The following KDM4C variants were observed in gnomAD, a reference collection of about 807,000 sequenced individuals.
KDM4C encodes lysine-specific demethylase 4C.
In KDM4C, 81 loss-of-function variants were observed where a neutral mutation model predicts 129.3. The observed-to-expected ratio is 0.63, with a 90% CI of 0.52 to 0.75. KDM4C has a LOEUF of 0.75. Among genes scored for constraint, KDM4C ranks in the 30% least tolerant of loss-of-function variants. The pLI is 0.00. For synonymous variants in KDM4C, 573 were observed against 456.1 expected (o/e 1.26, Z -3.26); for missense variants, 1,457 against 1,304.0 (o/e 1.12, Z -1.81).
chr9:7,091,629 C>G (rs962303589), intron 17 of KDM4C, among the ~76,000 whole-genome samples: 4 of 152,188 alleles, frequency 2.6e-5, no homozygotes, highest in African/African-American at 9.7e-5. Context: ...CTTCAAAGTC[C>G]TGGCTGAAAA....
chr9:6,966,886 C>T (rs1266016416), intron 8 of KDM4C, among the ~76,000 whole-genome samples: 2 of 152,012 alleles, frequency 1.3e-5, no homozygotes, highest in Non-Finnish European at 2.9e-5. Context: ...TGAGGATAGG[C>T]AAAGACTGCT....
intron 12 of KDM4C, among the ~76,000 whole-genome samples, chr9:7,007,479 G>A (rs1429122291): frequency 6.6e-6 from 1 of 152,174 alleles, no homozygotes; most frequent in African/African-American, 2.4e-5. Context: ...TTTTTGCTGT[G>A]TTGACTCTTG....
chr9:7,115,396 A>G (rs1170335273), intron 18 of KDM4C, among the ~76,000 whole-genome samples: 1 of 152,200 alleles, frequency 6.6e-6, no homozygotes, highest in Non-Finnish European at 1.5e-5. Flanking sequence ...TAGTGACACT[A>G]ATCTCATATT....
chr9:6,967,187 G>A (rs1232408375), intron 8 of KDM4C, among the ~76,000 whole-genome samples: 2 of 152,110 alleles, frequency 1.3e-5, no homozygotes, highest in South Asian at 2.1e-4. Flanking sequence ...ACTTGGGGAG[G>A]CCAAGGCAGG....
At chr9:7,122,261 A>ACTCTCTCT (rs747083483) in intron 18 of KDM4C, among the ~76,000 whole-genome samples, 33,258 of 135,628 alleles carry the variant, frequency 0.25, 4,028 homozygotes, top group Middle Eastern at 0.38. Context: ...ACACACACAC[A>ACTCTCTCT]CACACTCTCT....
At chr9:6,954,171 A>G (rs1211427066) in intron 8 of KDM4C, among the ~76,000 whole-genome samples, 4 of 152,176 alleles carry the variant, frequency 2.6e-5, no homozygotes, top group African/African-American at 9.7e-5. Context: ...ACAGATACAT[A>G]GGATTCTGAT....
intron 17 of KDM4C, among the ~76,000 whole-genome samples, chr9:7,082,542 C>G (rs147400587): frequency 1.9e-3 from 297 of 152,332 alleles, no homozygotes; most frequent in Non-Finnish European, 2.9e-3. Flanking sequence ...ATACAGAGCT[C>G]TGATTGCTTC....
At chr9:6,879,401 A>AT (rs1266606644) in intron 5 of KDM4C, among the ~76,000 whole-genome samples, 1 of 152,160 alleles carries the variant, frequency 6.6e-6, no homozygotes, top group Non-Finnish European at 1.5e-5. Flanking sequence ...TGTAATCAAG[A>AT]TTTTGAAAGT....
chr9:6,938,516 A>G (rs1290234644), intron 8 of KDM4C, among the ~76,000 whole-genome samples: 1 of 152,126 alleles, frequency 6.6e-6, no homozygotes, highest in African/African-American at 2.4e-5. Flanking sequence ...TTTGGAAGAT[A>G]CTCTAAATGG....
In KDM4C at chr9:7,146,970, C is replaced by T. The variant is rs78877827; in HGVS notation, c.2782-18268C>T. Among the ~76,000 whole-genome samples, 1,186 of 152,360 alleles carry T rather than the reference C, an allele frequency of 7.8e-3. 21 individuals are homozygous for T. The highest frequency in any genetic ancestry group is 0.027 in the African/African-American group (1,118 of 41,588). ...GCCTCCCAAGGGTTTTGTCTCCTCC[C>T]TATCCTCTAGGTATATTCCTGTTGA... On this transcript the variant is annotated intron_variant, in intron 19 of 21. Coordinates refer to ENST00000381309, the MANE Select transcript of KDM4C (RefSeq NM_015061.6).
intron 8 of KDM4C, among the ~76,000 whole-genome samples, chr9:6,977,559 A>G (rs1340514): frequency 0.99 from 151,225 of 152,274 alleles, 75,098 homozygotes; most frequent in East Asian, 1. Flanking sequence ...GAAGTCACAT[A>G]AGTCGAACCC....
At chr9:6,799,618 C>G (rs982614715) in intron 2 of KDM4C, among the ~76,000 whole-genome samples, 6 of 145,758 alleles carry the variant, frequency 4.1e-5, no homozygotes, top group Non-Finnish European at 9.0e-5. Context: ...AGACGGGAGA[C>G]GGGAGAGGGC....
intron 15 of KDM4C, among the ~76,000 whole-genome samples, chr9:7,021,339 T>C (rs1824818878): frequency 6.6e-6 from 1 of 152,002 alleles, no homozygotes; most frequent in Admixed American, 6.6e-5. Context: ...GAGATGGGGT[T>C]TCACCATGTT....
chr9:6,766,570 G>T (rs2130537530), intron 1 of KDM4C, among the ~76,000 whole-genome samples: 1 of 152,128 alleles, frequency 6.6e-6, no homozygotes, highest in South Asian at 2.1e-4. Flanking sequence ...GAGAGTGTCA[G>T]GCATTGGAAG....
intron 8 of KDM4C, among the ~76,000 whole-genome samples, chr9:6,937,880 T>C (rs1825114131): frequency 6.6e-6 from 1 of 151,978 alleles, no homozygotes; most frequent in Non-Finnish European, 1.5e-5. Context: ...GCCAGCTAAT[T>C]TTTGAATTTT....
At chr9:6,883,715 G>A (rs989079086) in intron 6 of KDM4C, among the ~76,000 whole-genome samples, 1 of 152,112 alleles carries the variant, frequency 6.6e-6, no homozygotes, top group Non-Finnish European at 1.5e-5. Flanking sequence ...GGAATTATGG[G>A]GAAGTGAAGA....
chr9:7,112,312 T>C (rs1458736412), intron 18 of KDM4C, among the ~76,000 whole-genome samples: 1 of 152,008 alleles, frequency 6.6e-6, no homozygotes, highest in East Asian at 1.9e-4. Context: ...TGTGGGGCAG[T>C]ATTAGGAAGC....
chr9:7,064,121 G>A (rs1832083389), intron 17 of KDM4C, among the ~76,000 whole-genome samples: 1 of 152,132 alleles, frequency 6.6e-6, no homozygotes. Flanking sequence ...AAGCACTTTA[G>A]ATACAACTAT....
intron 8 of KDM4C, among the ~76,000 whole-genome samples, chr9:6,970,052 T>C (rs10975943): frequency 0.011 from 1,652 of 152,290 alleles, 7 homozygotes; most frequent in Non-Finnish European, 0.019. Flanking sequence ...GGGTGGAATG[T>C]TTGGCCAGTC....
Sources: allele counts gnomAD v4.1 joint callset (sites outside exome capture counted in the v4.1 genomes callset), GRCh38; gene constraint gnomAD v4.1.1; transcripts MANE v1.5; gene names NCBI Gene and HGNC (gene_info 2026-07-23, HGNC 2026-07-21).